The following SUPT3H variants were observed in gnomAD, a reference collection of about 807,000 sequenced individuals.
SUPT3H encodes the protein transcription initiation protein SPT3 homolog.
SUPT3H carries 44 observed loss-of-function variants against 44.3 expected under a neutral mutation model. That is an observed-to-expected ratio of 0.99 (90% CI 0.78 to 1.28). SUPT3H has a LOEUF of 1.28. SUPT3H is among the 50% of genes most tolerant of loss of function. The probability of loss-of-function intolerance (pLI) is 0.00; values close to 1 mark genes in which losing one functional copy is unlikely to be tolerated. For synonymous variants in SUPT3H, 124 were observed against 125.6 expected (o/e 0.99, Z 0.09); for missense variants, 380 against 387.1 (o/e 0.98, Z 0.15).
Position 45,158,299 on chromosome 6 carries a change from T to TATATATATATA in SUPT3H, c.102-52294_102-52293insTATATATATAT, listed in dbSNP as rs1491302388. ...ACATATATATATATATATATATATA[T>TATATATATATA]TTTTTTTTTTTTTTTTTTGAGATGG... is the stretch of plus-strand genomic sequence containing the variant. On this transcript the variant is annotated intron_variant, in intron 2 of 10. Transcript: ENST00000371459. Among the ~76,000 whole-genome samples the TATATATATATA allele has an allele frequency of 4.5e-3, 60 of 13,360 alleles. 2 individuals carry two copies. Among genetic ancestry groups the TATATATATATA allele is most frequent in the African/African-American group, 0.013 (55 of 4,136 alleles). The allele number at this position is 13,360 out of a possible 152,430, so 8.8% of individuals were successfully genotyped here.
intron 10 of SUPT3H, among the ~76,000 whole-genome samples, chr6:44,904,770 T>C (rs145578387): frequency 0.028 from 4,290 of 152,278 alleles, 226 homozygotes; most frequent in African/African-American, 0.097. Flanking sequence ...CTTCAAACTA[T>C]ACTACAAGGC....
At chr6:44,957,722 A>G (rs1775423440) in intron 7 of SUPT3H, among the ~76,000 whole-genome samples, 1 of 152,186 alleles carries the variant, frequency 6.6e-6, no homozygotes, top group Non-Finnish European at 1.5e-5. Context: ...CCTAGCACCT[A>G]GAATACTGCC....
At chr6:45,274,107 A>G (rs529688877) in intron 2 of SUPT3H, among the ~76,000 whole-genome samples, 1 of 152,334 alleles carries the variant, frequency 6.6e-6, no homozygotes, top group East Asian at 1.9e-4. Flanking sequence ...CTTTGGAGAA[A>G]AGTCTATTCA....
At chr6:45,014,707 T>C (rs1783984300) in intron 5 of SUPT3H, 94 bp downstream of exon 5, 2 of 757,484 alleles carry the variant, frequency 2.6e-6, no homozygotes, top group Admixed American at 7.6e-5. Flanking sequence ...CAAAATTAAC[T>C]AGTTCTCCAG....
chr6:44,894,405 T>C (rs934700715), intron 10 of SUPT3H, among the ~76,000 whole-genome samples: 1 of 152,168 alleles, frequency 6.6e-6, no homozygotes, highest in South Asian at 2.1e-4. Flanking sequence ...TTGTATAAGG[T>C]GTAAGGAAGG....
At chr6:45,299,969 A>G (rs1025579442) in intron 2 of SUPT3H, among the ~76,000 whole-genome samples, 2 of 151,742 alleles carry the variant, frequency 1.3e-5, no homozygotes, top group African/African-American at 2.4e-5. Context: ...ATATGTGTGC[A>G]CACACACACA....
chr6:45,158,290 ATATATATATTTTTTT>A (rs1405890403), intron 2 of SUPT3H, among the ~76,000 whole-genome samples: 15 of 39,806 alleles, frequency 3.8e-4, no homozygotes, highest in African/African-American at 1.2e-3. Flanking sequence ...ATATATATAT[ATATATATATTTTTTT>A]TTTTTTTTTT....
At chr6:44,949,245 T>C (rs1371294076) in intron 9 of SUPT3H, among the ~76,000 whole-genome samples, 1 of 147,458 alleles carries the variant, frequency 6.8e-6, no homozygotes, top group Non-Finnish European at 1.5e-5. Context: ...CGTTGTGGGG[T>C]GGGGGGAATG....
At chr6:45,291,377 G>A (rs1780290656) in intron 2 of SUPT3H, among the ~76,000 whole-genome samples, 1 of 152,138 alleles carries the variant, frequency 6.6e-6, no homozygotes, top group African/African-American at 2.4e-5. Context: ...CTGGTAATAT[G>A]ACAAAACAAG....
chr6:45,171,163 T>C (rs866878680), intron 2 of SUPT3H, among the ~76,000 whole-genome samples: 32 of 152,208 alleles, frequency 2.1e-4, no homozygotes, highest in African/African-American at 5.3e-4. Context: ...TTCTGAAATG[T>C]ATTCATTTTT....
At chr6:44,851,722 TA>T (rs1772914330) in intron 10 of SUPT3H, among the ~76,000 whole-genome samples, 1 of 152,206 alleles carries the variant, frequency 6.6e-6, no homozygotes. Flanking sequence ...ATGAACTTAT[TA>T]AAAATACATA....
intron 2 of SUPT3H, among the ~76,000 whole-genome samples, chr6:45,110,754 T>C (rs1799937010): frequency 6.6e-6 from 1 of 152,176 alleles, no homozygotes; most frequent in Admixed American, 6.5e-5. Context: ...TGCTAACCTC[T>C]GGACCCTATG....
At chr6:44,928,233 A>G (rs1166893332) in intron 10 of SUPT3H, among the ~76,000 whole-genome samples, 4 of 152,192 alleles carry the variant, frequency 2.6e-5, no homozygotes, top group African/African-American at 7.2e-5. Flanking sequence ...TAAAAATGCA[A>G]TATAAGATGG....
intron 2 of SUPT3H, among the ~76,000 whole-genome samples, chr6:45,270,551 T>A (rs1775951605): frequency 6.6e-6 from 1 of 152,200 alleles, no homozygotes; most frequent in South Asian, 2.1e-4. Flanking sequence ...TGCTCCTCCT[T>A]GCCTTCTGCC....
intron 10 of SUPT3H, among the ~76,000 whole-genome samples, chr6:44,921,463 C>CA (rs1256936440): frequency 6.6e-6 from 1 of 152,132 alleles, no homozygotes; most frequent in East Asian, 1.9e-4. Flanking sequence ...TGTTTGCCAT[C>CA]AAAAATTAAG....
At chr6:45,205,649 G>A (rs1323578667) in intron 2 of SUPT3H, among the ~76,000 whole-genome samples, 7 of 151,718 alleles carry the variant, frequency 4.6e-5, no homozygotes, top group Non-Finnish European at 8.8e-5. Context: ...ATACAAAAAT[G>A]ACCTGGGCAT....
At chr6:44,891,812 T>C (rs1763362712) in intron 10 of SUPT3H, among the ~76,000 whole-genome samples, 1 of 151,538 alleles carries the variant, frequency 6.6e-6, no homozygotes, top group African/African-American at 2.4e-5. Flanking sequence ...AAAAAAAAGA[T>C]GGTTGATGGA....
At chr6:45,028,659 A>G (rs1171448275) in intron 3 of SUPT3H, among the ~76,000 whole-genome samples, 3 of 152,038 alleles carry the variant, frequency 2.0e-5, no homozygotes, top group Non-Finnish European at 4.4e-5. Context: ...TGTCTTCTAT[A>G]TATTATCTCA....
At chr6:45,210,684 T>C (rs1315990565) in intron 2 of SUPT3H, among the ~76,000 whole-genome samples, 1 of 152,222 alleles carries the variant, frequency 6.6e-6, no homozygotes, top group East Asian at 1.9e-4. Context: ...TCCTTAACCT[T>C]GGCAAAATAA....
Sources: allele counts gnomAD v4.1 joint callset (sites outside exome capture counted in the v4.1 genomes callset), GRCh38; gene constraint gnomAD v4.1.1; transcripts MANE v1.5; gene names NCBI Gene and HGNC (gene_info 2026-07-23, HGNC 2026-07-21).